The following CLIP2 variants were observed in gnomAD, a reference collection of about 807,000 sequenced individuals.
CLIP2 encodes the protein CAP-Gly domain containing linker protein 2, also known as CAP-Gly domain-containing linker protein 2.
A neutral mutation model predicts 111.7 loss-of-function variants in CLIP2; 41 were observed. That is an observed-to-expected ratio of 0.37 (90% CI 0.29 to 0.48). The LOEUF (loss-of-function observed/expected upper bound fraction) is 0.48. CLIP2 is among the 20% of genes least tolerant of loss of function. CLIP2 has a pLI of 0.99. For synonymous variants in CLIP2, 660 were observed against 644.2 expected (o/e 1.02, Z -0.37); for missense variants, 1,160 against 1,422.1 (o/e 0.82, Z 2.96).
At chr7:74,334,836 A>AAT (rs1554731847) in intron 2 of CLIP2, among the ~76,000 whole-genome samples, 2 of 151,276 alleles carry the variant, frequency 1.3e-5, no homozygotes, top group Non-Finnish European at 2.9e-5. Context: ...AAAAAAAAAA[A>AAT]AAATAGCCTG....
chr7:74,324,818 GAAAAAAAA>G (rs11318033), intron 2 of CLIP2, among the ~76,000 whole-genome samples: 2 of 95,216 alleles, frequency 2.1e-5, no homozygotes, highest in Non-Finnish European at 4.1e-5. Context: ...AAGATCTTGA[GAAAAAAAA>G]AAAAAAAAAA....
At chr7:74,393,564 G>A (rs933193914) in intron 13 of CLIP2, among the ~76,000 whole-genome samples, 4 of 147,876 alleles carry the variant, frequency 2.7e-5, no homozygotes, top group African/African-American at 1.0e-4. Context: ...TCGAACTCCC[G>A]ACCTCAGGTG....
At chr7:74,291,397 T>A (rs1788013890) in intron 1 of CLIP2, among the ~76,000 whole-genome samples, 1 of 152,230 alleles carries the variant, frequency 6.6e-6, no homozygotes, top group African/African-American at 2.4e-5. Flanking sequence ...TTCCGGCATC[T>A]GCTGTCTACC....
intron 2 of CLIP2, among the ~76,000 whole-genome samples, chr7:74,332,460 C>CTTTT (rs386410474): frequency 0.016 from 1,804 of 110,296 alleles, 84 homozygotes; most frequent in Non-Finnish European, 0.021. Context: ...CTAGAATTCT[C>CTTTT]TTTTTTTTTT....
At chr7:74,299,775 C>G (rs138940192) in intron 1 of CLIP2, among the ~76,000 whole-genome samples, 1 of 151,904 alleles carries the variant, frequency 6.6e-6, no homozygotes, top group Non-Finnish European at 1.5e-5. Context: ...CTCGGCTCAC[C>G]GCATCCTCCA....
At chr7:74,357,766 T>TC (rs1366157379) in intron 6 of CLIP2, among the ~76,000 whole-genome samples, 3 of 150,868 alleles carry the variant, frequency 2.0e-5, no homozygotes, top group Non-Finnish European at 4.4e-5. Context: ...TTTCTTTCTT[T>TC]TTTTTTTTTT....
chr7:74,393,181 G>T (rs1267535737), intron 13 of CLIP2, among the ~76,000 whole-genome samples: 3 of 147,770 alleles, frequency 2.0e-5, no homozygotes, highest in South Asian at 4.3e-4. Context: ...GATTACAGGC[G>T]CCCATCACCA....
Position 74,317,579 on chromosome 7 carries a change from C to A in CLIP2, c.33C>A (p.Gly11=). ...AGCCCAGCGGCCTGAAGCCCCCCGG[C>A]CGTGGGGGGAAGCACTCCAGCCCCA... is the stretch of plus-strand genomic sequence containing the variant. MQKPSGLKPP[G]RGGKHSSPMG... The change falls in exon 2 of 17, where the codon GGC becomes GGA. Residue 11 remains glycine (G), a synonymous_variant. Coordinates refer to ENST00000223398, the MANE Select transcript of CLIP2 (RefSeq NM_003388.5). The A allele has an allele frequency of 6.7e-7, 1 of 1,493,022 alleles. No homozygotes were observed. Among genetic ancestry groups the A allele is most frequent in the Non-Finnish European group, 9.0e-7 (1 of 1,114,782 alleles). The allele number at this position is 1,493,022 out of a possible 1,614,324, so 92.5% of individuals were successfully genotyped here. A position where few individuals can be genotyped will look rare whatever the true frequency, so the allele number is the denominator to read the frequency against.
chr7:74,327,785 C>T (rs1235763246), intron 2 of CLIP2, among the ~76,000 whole-genome samples: 2 of 152,108 alleles, frequency 1.3e-5, no homozygotes, highest in African/African-American at 2.4e-5. Flanking sequence ...TCTGACGGGG[C>T]GGGGGTCCGG....
At position 74,325,218 on chromosome 7, in the gene CLIP2, G is replaced by C. The variant is rs549647157; in HGVS notation, c.121+7551G>C. ...TGTATCCTCAGAGCTGTGCCACACA[G>C]GGAGCAGCATTTGAGGGGGACCTTT... On this transcript the variant is annotated intron_variant, in intron 2 of 16. Transcript: ENST00000223398. 3.0e-3 allele frequency among the ~76,000 whole-genome samples: 450 copies of C among 152,326 alleles called. 3 individuals carry two copies. Among genetic ancestry groups the C allele is most frequent in the Non-Finnish European group, 5.2e-3 (354 of 68,026 alleles).
intron 1 of CLIP2, among the ~76,000 whole-genome samples, chr7:74,302,325 C>T (rs1302917999): frequency 6.6e-6 from 1 of 152,126 alleles, no homozygotes; most frequent in Non-Finnish European, 1.5e-5. Flanking sequence ...AAGCGATTCT[C>T]CTGCCTCAGC....
Position 74,376,712 on chromosome 7 carries a change from C to T in CLIP2, c.2311C>T (p.Arg771Trp), listed in dbSNP as rs750568179. The T allele has an allele frequency of 6.2e-6, 10 of 1,612,920 alleles. No homozygotes were observed. The highest frequency in any genetic ancestry group is 1.1e-5 in the South Asian group (1 of 90,718). Residue 771 changes from arginine to tryptophan, a missense_variant, in exon 10 of 17, where the codon CGG (arginine) becomes TGG (tryptophan). Arg to Trp is a moderately radical substitution (Grantham distance 101). This residue lies in a region of CLIP2 where 676 missense variants were observed against 777.8 expected (regional missense o/e 0.87). Coordinates refer to ENST00000223398, the MANE Select transcript of CLIP2 (RefSeq NM_003388.5). The surrounding 1 kb of genome is among the most constrained non-coding windows in gnomAD (Gnocchi z 7.1). Reference protein sequence around the residue: ...KKMLDYERLQRAEAQGKQEVE... With the variant: ...KKMLDYERLQWAEAQGKQEVE... The stretch of plus-strand genomic sequence containing the variant: ...GATGTTGGACTACGAGCGGCTGCAG[C>T]GGGCAGAAGCCCAGGGCAAACAGGA...
intron 2 of CLIP2, among the ~76,000 whole-genome samples, chr7:74,331,953 T>C (rs1789297459): frequency 6.6e-6 from 1 of 152,034 alleles, no homozygotes; most frequent in African/African-American, 2.4e-5. Flanking sequence ...AAGAAAAAAA[T>C]GTGGTCACAT....
intron 6 of CLIP2, among the ~76,000 whole-genome samples, chr7:74,358,413 C>G (rs564893): frequency 0.63 from 95,605 of 151,476 alleles, 31,302 homozygotes; most frequent in Middle Eastern, 0.74. Context: ...TGTTGGTCAG[C>G]CTGGTCTCGA....
At chr7:74,337,352 C>T (rs1352603503) in intron 2 of CLIP2, among the ~76,000 whole-genome samples, 1 of 152,012 alleles carries the variant, frequency 6.6e-6, no homozygotes, top group Non-Finnish European at 1.5e-5. Context: ...TGGCTGTGTC[C>T]CTCTATTAGG....
intron 3 of CLIP2, among the ~76,000 whole-genome samples, chr7:74,350,889 A>AGAAG (rs1425886352): frequency 1.5e-5 from 2 of 133,780 alleles, no homozygotes; most frequent in Non-Finnish European, 3.1e-5. Flanking sequence ...AGAGAGAGAA[A>AGAAG]GAAGGAAGGA....
chr7:74,345,856 AAGAG>A (rs1232073001), intron 3 of CLIP2, among the ~76,000 whole-genome samples: 2 of 151,592 alleles, frequency 1.3e-5, no homozygotes, highest in African/African-American at 4.8e-5. Context: ...TCAAGAAAGC[AAGAG>A]AGAGAGAGAG....
chr7:74,360,102 CCACCA>C lies in CLIP2; in HGVS notation c.1216-66_1216-62del, dbSNP rs1206655969. 17 of 1,290,476 alleles carry C rather than the reference CCACCA, an allele frequency of 1.3e-5. No homozygotes were observed. The East Asian group carries it at 2.6e-4, about 20-fold the overall frequency. The allele number at this position is 1,290,476 out of a possible 1,614,324, so 79.9% of individuals were successfully genotyped here. Reference sequence around the variant, plus strand: ...CCAGGCCCTGCTCCTTGCCTGTCTCCCACCACACCACCAACCTGGACCCCATACCC... The same window carrying C: ...CCAGGCCCTGCTCCTTGCCTGTCTCCCACCACCAACCTGGACCCCATACCC... On this transcript the variant is annotated intron_variant, in intron 6 of 16. Transcript: ENST00000223398.
intron 1 of CLIP2, among the ~76,000 whole-genome samples, chr7:74,313,477 A>G (rs1223324113): frequency 4.6e-5 from 7 of 151,222 alleles, no homozygotes; most frequent in Admixed American, 4.6e-4. Flanking sequence ...GGAGAATGGC[A>G]TGAACCCGGA....
Sources: allele counts gnomAD v4.1 joint callset (sites outside exome capture counted in the v4.1 genomes callset), GRCh38; gene constraint gnomAD v4.1.1; regional missense constraint gnomAD v4.1.1; non-coding constraint Gnocchi (gnomAD v3.1); transcripts MANE v1.5; gene names NCBI Gene and HGNC (gene_info 2026-07-23, HGNC 2026-07-21).